LILRB2: variants seen among roughly 807,000 people sequenced by gnomAD.
LILRB2 encodes leukocyte immunoglobulin like receptor B2, also known as leukocyte immunoglobulin-like receptor subfamily B member 2.
A neutral mutation model predicts 72.7 loss-of-function variants in LILRB2; 47 were observed. That is an observed-to-expected ratio of 0.65 (90% confidence interval 0.51 to 0.82). The LOEUF (loss-of-function observed/expected upper bound fraction) is 0.82. Ranked by LOEUF, LILRB2 falls within the 40% of genes least tolerant of loss-of-function variation. The probability of loss-of-function intolerance (pLI) is 0.00; values close to 1 mark genes in which losing one functional copy is unlikely to be tolerated. For synonymous variants in LILRB2, 279 were observed against 313.7 expected (o/e 0.89, Z 1.17); for missense variants, 767 against 764.8 (o/e 1.00, Z -0.03).
In LILRB2 at chr19:54,274,359, G is replaced by A. The variant is rs573249734; in HGVS notation, c.*324C>T. 1 of 276,290 alleles carries A rather than the reference G, an allele frequency of 3.6e-6. No individual in the cohort carries two copies. The highest frequency in any genetic ancestry group is 6.6e-5 in the East Asian group (1 of 15,236). The allele number at this position is 276,290 out of a possible 1,614,324, so 17.1% of individuals were successfully genotyped here. A position where few individuals can be genotyped will look rare whatever the true frequency, so the allele number is the denominator to read the frequency against. ...TTTCGTTTCTACTTTTTTCATTTGT[G>A]GTTTGTACTTTTTCAATTTCATTGT... On this transcript the variant is annotated 3_prime_UTR_variant, in exon 14 of 14. Coordinates refer to ENST00000314446, the MANE Select transcript of LILRB2 (RefSeq NM_001080978.4).
In LILRB2 at chr19:54,274,781, T is replaced by G; in HGVS notation, c.1696A>C (p.Ser566Arg). The G allele has an allele frequency of 1.2e-6, 2 of 1,610,488 alleles. No homozygotes were observed. The highest frequency in any genetic ancestry group is 3.3e-4 in the Middle Eastern group (2 of 6,058). Residue 566 changes from serine (S) to arginine (R), a missense_variant, in exon 14 of 14, where the codon AGC becomes CGC. Transcript: ENST00000314446. Reference protein sequence around the residue: ...PQDVTYAQLHSLTLRRKATEP... With the variant: ...PQDVTYAQLHRLTLRRKATEP... ...GTTGCCTTCCGTCTGAGGGTCAAGC[T>G]GTGCAGCTGGGCGTAGGTCACATCC...
intron 8 of LILRB2, 95 bp downstream of exon 8, chr19:54,277,794 A>T: frequency 7.5e-7 from 1 of 1,331,488 alleles, no homozygotes; most frequent in Non-Finnish European, 1.1e-6. Context: ...GAAGCCCTTG[A>T]TTGAGTCCCT....
At position 54,274,601 on chromosome 19, in the gene LILRB2, G is replaced by C; in HGVS notation, c.*82C>G. On this transcript the variant is annotated 3_prime_UTR_variant, in exon 14 of 14. Transcript: ENST00000314446. ...GGGTCCAGGCTGACTGGGGTTCATTGGTGTCCACTGGGGGCAGCTCCCGTG... is the reference window on the plus strand; with the variant it reads ...GGGTCCAGGCTGACTGGGGTTCATTCGTGTCCACTGGGGGCAGCTCCCGTG... 1.9e-6 allele frequency: 3 copies of C among 1,604,058 alleles called. No homozygotes were observed. Among genetic ancestry groups the C allele is most frequent in the Non-Finnish European group, 2.6e-6 (3 of 1,173,376 alleles).
rs563769825 is a variant in LILRB2 at position 54,277,816 on chromosome 19, G to A, written c.1309+73C>T. The A allele has an allele frequency of 1.5e-3, 2,097 of 1,366,442 alleles. 3 individuals are homozygous for A. Among genetic ancestry groups the A allele is most frequent in the Non-Finnish European group, 2.0e-3 (1,951 of 978,836 alleles). 84.6% of individuals were successfully genotyped at this position (1,366,442 alleles called of 1,614,324 possible). On this transcript the variant is annotated intron_variant, in intron 8 of 13. Transcript: ENST00000314446. ...TTGATTGAGTCCCTGAAGGGAATGG[G>A]ATCCTCCTGGACACTCAAAGCTGCC...
In LILRB2 at chr19:54,278,899, A is replaced by G. The variant is rs143661416; in HGVS notation, c.868T>C (p.Tyr290His). The G allele has an allele frequency of 9.2e-4, 1,484 of 1,613,580 alleles. 1 individual carries two copies. In the African/African-American group the frequency reaches 0.016, roughly 17 times the overall value. ...NFTLGPVSRSYGGQYRCYGAH... is the reference protein window; with the variant it reads ...NFTLGPVSRSHGGQYRCYGAH... ...CCGTAGCATCTGTACTGGCCCCCGT[A>G]GGAGCGGCTCACAGGGCCCAGGGTG... is the stretch of plus-strand genomic sequence containing the variant. The change falls in exon 6 of 14, where the codon TAC (tyrosine) becomes CAC (histidine). Residue 290 changes from tyrosine (Y) to histidine (H), a missense_variant. Coordinates refer to ENST00000314446, the MANE Select transcript of LILRB2 (RefSeq NM_001080978.4).
At position 54,279,943 on chromosome 19, in the gene LILRB2, G is replaced by T. The variant is rs1224311505; in HGVS notation, c.203C>A (p.Ser68Tyr). The stretch of plus-strand genomic sequence containing the variant: ...CTCTGGTCGTATCCGTGTAATCCAA[G>T]ATGCTGATTTTTTCTCCCTATATAG... ...YRLYREKKSA[S>Y]WITRIRPELV... The change falls in exon 4 of 14, where the codon TCT (serine) becomes TAT (tyrosine). Residue 68 changes from serine (S) to tyrosine (Y), a missense_variant. Around this residue, in one of 3 missense-constraint regions of LILRB2, gnomAD observed 599 missense variants for 568.2 expected, o/e 1.05. Coordinates refer to ENST00000314446, the MANE Select transcript of LILRB2 (RefSeq NM_001080978.4). The T allele has an allele frequency of 5.6e-6, 9 of 1,614,006 alleles. No individual in the cohort carries two copies. The Admixed American group carries it at 1.5e-4, about 27-fold the overall frequency.
chr19:54,279,810 G>A lies in LILRB2; in HGVS notation c.336C>T (p.Pro112=). The A allele has an allele frequency of 6.2e-7, 1 of 1,614,006 alleles. No individual in the cohort carries two copies. The highest frequency in any genetic ancestry group is 1.3e-5 in the African/African-American group (1 of 74,970). Residue 112 remains proline (P), a synonymous_variant, in exon 4 of 14, where the codon CCC becomes CCT. Transcript: ENST00000314446. ...TCTCACCTGTCATCACCAGCACCAG[G>A]GGGTCACTGAGCTCAGACCACCGAG... ...SRARWSELSD[P]LVLVMTGAYP...
chr19:54,277,538 C>G lies in LILRB2; in HGVS notation c.1357+12G>C, dbSNP rs760455944. On this transcript the variant is annotated intron_variant, in intron 9 of 13. Transcript: ENST00000314446. ...GACCCCGCCCACCTCCCACTCAGAG[C>G]CCCTCACTCACCACTTTGGGGATCC... The G allele has an allele frequency of 1.3e-6, 2 of 1,565,888 alleles. No homozygotes were observed. The highest frequency in any genetic ancestry group is 2.3e-5 in the South Asian group (2 of 85,252).
Position 54,278,902 on chromosome 19 carries a change from A to G in LILRB2, c.865T>C (p.Ser289Pro), listed in dbSNP as rs1399949544. Reference protein sequence around the residue: ...ANFTLGPVSRSYGGQYRCYGA... With the variant: ...ANFTLGPVSRPYGGQYRCYGA... ...TAGCATCTGTACTGGCCCCCGTAGG[A>G]GCGGCTCACAGGGCCCAGGGTGAAG... Residue 289 changes from serine to proline, a missense_variant, in exon 6 of 14, where the codon TCC (serine) becomes CCC (proline). This residue lies in a region of LILRB2 where 599 missense variants were observed against 568.2 expected (regional missense o/e 1.05). Coordinates refer to ENST00000314446, the MANE Select transcript of LILRB2 (RefSeq NM_001080978.4). 1 of 1,614,148 alleles carries G rather than the reference A, an allele frequency of 6.2e-7. No homozygotes were observed. Among genetic ancestry groups the G allele is most frequent in the Non-Finnish European group, 8.5e-7 (1 of 1,180,016 alleles).
intron 5 of LILRB2, 46 bp from the exon 6 acceptor site, chr19:54,279,154 C>T: frequency 6.3e-7 from 1 of 1,587,466 alleles, no homozygotes; most frequent in Non-Finnish European, 8.6e-7. Context: ...CCTCAGGCTT[C>T]CCCACAAACC....
At chr19:54,276,982 A>G in intron 9 of LILRB2, 53 bp from the exon 10 acceptor site, 1 of 1,574,160 alleles carries the variant, frequency 6.4e-7, no homozygotes, top group Non-Finnish European at 8.6e-7. Flanking sequence ...ATGAGCGCCT[A>G]CTGTGTGCAG....
rs1400118094 is a variant in LILRB2, at chr19:54,278,511, G to C, written c.1007C>G (p.Ala336Gly). 6.2e-7 allele frequency: 1 copy of C among 1,614,248 alleles called. No individual in the cohort carries two copies. The highest frequency in any genetic ancestry group is 8.5e-7 in the Non-Finnish European group (1 of 1,180,038). ...CAGCAGGGTCACGTTCTCTCCTGAGGCCACTGTGGGGCCTGGCTGCACTGA... is the reference window on the plus strand; with the variant it reads ...CAGCAGGGTCACGTTCTCTCCTGAGCCCACTGTGGGGCCTGGCTGCACTGA... ...FISVQPGPTV[A>G]SGENVTLLCQ... Residue 336 changes from alanine to glycine, a missense_variant, in exon 7 of 14, where the codon GCC (alanine) becomes GGC (glycine). Coordinates refer to ENST00000314446, the MANE Select transcript of LILRB2 (RefSeq NM_001080978.4).
rs1426489480 is a variant in LILRB2, at chr19:54,279,406, A to G, written c.597T>C (p.Tyr199=). Residue 199 remains tyrosine (Y), a synonymous_variant, in exon 5 of 14, where the codon TAT becomes TAC. Coordinates refer to ENST00000314446, the MANE Select transcript of LILRB2 (RefSeq NM_001080978.4). ...NRRWSHRCYG[Y]DLNSPYVWSS... ...ACCACACATAGGGAGAGTTCAAGTC[A>G]TAACCATAGCACCTGTGCGACCACC... is the stretch of plus-strand genomic sequence containing the variant. 1 of 1,614,056 alleles carries G rather than the reference A, an allele frequency of 6.2e-7. No individual in the cohort carries two copies. Among genetic ancestry groups the G allele is most frequent in the Non-Finnish European group, 8.5e-7 (1 of 1,180,042 alleles).
chr19:54,278,987 C>G lies in LILRB2; in HGVS notation c.780G>C (p.Gly260=). Residue 260 remains glycine (G), a synonymous_variant, in exon 6 of 14, where the codon GGG becomes GGC. Coordinates refer to ENST00000314446, the MANE Select transcript of LILRB2 (RefSeq NM_001080978.4). The stretch of plus-strand genomic sequence containing the variant: ...CAGGGAGCTGGCGAAGGTCACGTTC[C>G]CCCTCCTTGTACAGAACAAATCTGT... ...GYDRFVLYKE[G]ERDLRQLPGR... 1 of 1,614,182 alleles carries G rather than the reference C, an allele frequency of 6.2e-7. No homozygotes were observed. The highest frequency in any genetic ancestry group is 1.1e-5 in the South Asian group (1 of 91,092).
rs759759372 is a variant in LILRB2, at chr19:54,279,979, T to C, written c.167A>G (p.Gln56Arg). The change falls in exon 4 of 14, where the codon CAG becomes CGG. Residue 56 changes from glutamine to arginine, a missense_variant. By Grantham distance (43) the Gln-to-Arg change is conservative. Coordinates refer to ENST00000314446, the MANE Select transcript of LILRB2 (RefSeq NM_001080978.4). ...TTTCTCCCTATATAGACGGTACTCC[T>C]GGGCTTCAAGGCTCCCCTGACAACT... ...TLSCQGSLEAQEYRLYREKKS... is the reference protein window; with the variant it reads ...TLSCQGSLEAREYRLYREKKS... 3 of 1,614,002 alleles carry C rather than the reference T, an allele frequency of 1.9e-6. No homozygotes were observed. The highest frequency in any genetic ancestry group is 2.7e-5 in the African/African-American group (2 of 74,916).
chr19:54,281,096 A>C lies in LILRB2; in HGVS notation c.-184T>G. On this transcript the variant is annotated 5_prime_UTR_variant, in exon 1 of 14. Transcript: ENST00000314446. ...GGTTGAGCTGTGTGTGGCAGTGAGC[A>C]CAGAGGAGAAATGCAGGGAAGTAGG... The C allele has an allele frequency of 9.0e-6, 4 of 444,322 alleles. No homozygotes were observed. The highest frequency in any genetic ancestry group is 1.3e-5 in the Non-Finnish European group (3 of 225,474). The allele number at this position is 444,322 out of a possible 1,614,324, so 27.5% of individuals were successfully genotyped here. A position where few individuals can be genotyped will look rare whatever the true frequency, so the allele number is the denominator to read the frequency against.
chr19:54,277,868 C>T (rs1445763986), intron 8 of LILRB2, 21 bp downstream of exon 8: 2 of 1,542,550 alleles, frequency 1.3e-6, no homozygotes, highest in Non-Finnish European at 1.8e-6. Flanking sequence ...TCCCTTCGAG[C>T]CAGAGGCCTC....
intron 9 of LILRB2, 144 bp from the exon 10 acceptor site, chr19:54,277,073 A>G (rs1325639748): frequency 6.6e-6 from 10 of 1,512,908 alleles, no homozygotes; most frequent in African/African-American, 2.8e-5. Context: ...CACCCACTCT[A>G]CAGATGAAAA....
intron 7 of LILRB2, 67 bp downstream of exon 7, chr19:54,278,193 G>A (rs2080334912): frequency 4.4e-6 from 7 of 1,587,498 alleles, no homozygotes; most frequent in Non-Finnish European, 6.0e-6. Flanking sequence ...CCAGCCCAGA[G>A]CTCTCCTGGG....
Sources: gnomAD v4.1 joint callset for allele counts on GRCh38, gnomAD v4.1.1 for gene constraint, gnomAD v4.1.1 regional missense constraint, MANE v1.5 for transcripts, NCBI Gene and HGNC (gene_info 2026-07-23, HGNC 2026-07-21) for gene names.